The following C10orf71 variants were observed in gnomAD, a reference collection of about 807,000 sequenced individuals.
C10orf71 encodes chromosome 10 open reading frame 71.
For synonymous variants in C10orf71, 758 were observed against 726.3 expected, an observed-to-expected ratio of 1.04 and a Z score of -0.70; for missense variants, 1,869 against 1,804.5, an observed-to-expected ratio of 1.04 and a Z score of -0.65.
chr10:49,323,916 G>A lies in C10orf71; in HGVS notation c.1371G>A (p.Leu457=). ...CCATCATACCCAGCAAGCACGCCCTGGATTCAGCAGACAGCCAGCCAGCAG... is the reference window on the plus strand; with the variant it reads ...CCATCATACCCAGCAAGCACGCCCTAGATTCAGCAGACAGCCAGCCAGCAG... ...LTPIIPSKHA[L]DSADSQPAER... The change falls in exon 3 of 3, where the codon CTG becomes CTA. Residue 457 remains leucine (L), a synonymous_variant. Coordinates refer to ENST00000374144, the MANE Select transcript of C10orf71 (RefSeq NM_001135196.2). 1.2e-6 allele frequency: 2 copies of A among 1,613,584 alleles called. No individual in the cohort carries two copies. The highest frequency in any genetic ancestry group is 1.7e-6 in the Non-Finnish European group (2 of 1,179,818).
chr10:49,319,731 T>C (rs11816604), intron 2 of C10orf71, among the ~76,000 whole-genome samples: 15,194 of 117,446 alleles, frequency 0.13, 1,435 homozygotes, highest in East Asian at 0.3. Flanking sequence ...TATATATATA[T>C]ATACACATAC....
chr10:49,303,562 G>C (rs4012231), intron 1 of C10orf71, among the ~76,000 whole-genome samples: 147,023 of 152,316 alleles, frequency 0.97, 71,188 homozygotes, highest in East Asian at 1. Context: ...AGCCAGCCCC[G>C]AGGGCATTCT....
At position 49,326,962 on chromosome 10, in the gene C10orf71, C is replaced by T. The variant is rs1564694854; in HGVS notation, c.*109C>T. ...ACACACACACACACACACACACACA[C>T]GATCATCAACACATACTTAGCCTTT... On this transcript the variant is annotated 3_prime_UTR_variant, in exon 3 of 3. Transcript: ENST00000374144. 5.7e-6 allele frequency: 9 copies of T among 1,581,972 alleles called. No individual in the cohort carries two copies. Among genetic ancestry groups the T allele is most frequent in the Admixed American group, 1.8e-5 (1 of 56,134 alleles).
At chr10:49,313,752 G>T (rs1848953663) in intron 1 of C10orf71, among the ~76,000 whole-genome samples, 1 of 152,220 alleles carries the variant, frequency 6.6e-6, no homozygotes, top group Non-Finnish European at 1.5e-5. Flanking sequence ...TCCCCAGGGA[G>T]AAAGCTGGCT....
intron 2 of C10orf71, among the ~76,000 whole-genome samples, chr10:49,316,659 C>T: frequency 6.6e-6 from 1 of 152,126 alleles, no homozygotes; most frequent in Non-Finnish European, 1.5e-5. Context: ...AGCTAAAGTT[C>T]CAGGCCAGGA....
intron 1 of C10orf71, among the ~76,000 whole-genome samples, chr10:49,304,910 G>A (rs1848787840): frequency 1.3e-5 from 2 of 152,254 alleles, no homozygotes; most frequent in Non-Finnish European, 2.9e-5. Flanking sequence ...TCCATAAGGG[G>A]TTTCCACAAG....
chr10:49,324,296 C>T lies in C10orf71; in HGVS notation c.1751C>T (p.Ser584Phe). ...KDPTADPSEPSADSYLTLSTA... is the reference protein window; with the variant it reads ...KDPTADPSEPFADSYLTLSTA... ...CCTACAGCTGACCCCAGTGAGCCCTCTGCAGACAGCTATCTAACTCTTAGC... is the reference window on the plus strand; with the variant it reads ...CCTACAGCTGACCCCAGTGAGCCCTTTGCAGACAGCTATCTAACTCTTAGC... The change falls in exon 3 of 3, where the codon TCT (serine) becomes TTT (phenylalanine). Residue 584 changes from serine to phenylalanine, a missense_variant. Ser to Phe is a radical substitution (Grantham distance 155). Transcript: ENST00000374144. 1 of 1,613,936 alleles carries T rather than the reference C, an allele frequency of 6.2e-7. No homozygotes were observed. Among genetic ancestry groups the T allele is most frequent in the South Asian group, 1.1e-5 (1 of 91,066 alleles).
intron 2 of C10orf71, among the ~76,000 whole-genome samples, chr10:49,318,819 G>A (rs1221493285): frequency 6.6e-6 from 1 of 152,228 alleles, no homozygotes; most frequent in African/African-American, 2.4e-5. Context: ...CAATCTCACA[G>A]CACAGATACA....
chr10:49,324,445 C>A lies in C10orf71; in HGVS notation c.1900C>A (p.Pro634Thr), dbSNP rs1466217737. 6.2e-7 allele frequency: 1 copy of A among 1,608,238 alleles called. No individual in the cohort carries two copies. ...GGGTCCTGCCGGATCCAGCTGGTGT[C>A]CAGACTCCAGGGAACACCGCCCCAG... ...EMGPAGSSWC[P>T]DSREHRPRKH... Residue 634 changes from proline (P) to threonine (T), a missense_variant, in exon 3 of 3, where the codon CCA (proline) becomes ACA (threonine). Physicochemically the swap from Pro to Thr is conservative, Grantham distance 38 (BLOSUM62 -1). Transcript: ENST00000374144.
At chr10:49,314,026 A>G (rs1207874165) in intron 1 of C10orf71, among the ~76,000 whole-genome samples, 6 of 152,158 alleles carry the variant, frequency 3.9e-5, no homozygotes, top group Admixed American at 6.5e-5. Context: ...AAGAGACTAA[A>G]CATCCAGACA....
chr10:49,308,963 C>A (rs1267231951), intron 1 of C10orf71, among the ~76,000 whole-genome samples: 1 of 152,210 alleles, frequency 6.6e-6, no homozygotes. Context: ...GCTCAGCACT[C>A]CCAGGCCTTA....
chr10:49,317,355 CT>C (rs1380753890), intron 2 of C10orf71, among the ~76,000 whole-genome samples: 1 of 152,200 alleles, frequency 6.6e-6, no homozygotes, highest in Non-Finnish European at 1.5e-5. Context: ...GCAGATTGGC[CT>C]TCAGTGGCCA....
At position 49,325,688 on chromosome 10, in the gene C10orf71, T is replaced by A; in HGVS notation, c.3143T>A (p.Leu1048Gln). The change falls in exon 3 of 3, where the codon CTG (leucine) becomes CAG (glutamine). Residue 1048 changes from leucine to glutamine, a missense_variant. Transcript: ENST00000374144. ...TPRAGPPGRR[L>Q]VPSERANSPN... ...AGAGCAGGGCCCCCTGGCAGAAGAC[T>A]GGTCCCCAGTGAGAGGGCGAATTCC... The A allele has an allele frequency of 6.4e-7, 1 of 1,551,938 alleles. No homozygotes were observed. Among genetic ancestry groups the A allele is most frequent in the Non-Finnish European group, 8.7e-7 (1 of 1,147,032 alleles).
At chr10:49,317,952 G>A (rs1849027274) in intron 2 of C10orf71, among the ~76,000 whole-genome samples, 1 of 152,198 alleles carries the variant, frequency 6.6e-6, no homozygotes, top group Non-Finnish European at 1.5e-5. Context: ...GAAGACGGGT[G>A]TCCTCAAGCC....
At position 49,325,404 on chromosome 10, in the gene C10orf71, C is replaced by A. The variant is rs373216967; in HGVS notation, c.2859C>A (p.Ala953=). 3.1e-4 allele frequency: 485 copies of A among 1,550,474 alleles called. No individual in the cohort carries two copies. The African/African-American group carries it at 5.6e-3, about 18-fold the overall frequency. The change falls in exon 3 of 3, where the codon GCC becomes GCA. Residue 953 remains alanine (A), a synonymous_variant. Transcript: ENST00000374144. ...CCAGGATGGAGGCCTCTCAGCCAGC[C>A]CCAAAGGGGAATTTCCCATCTATGC... The part of the protein sequence containing the change: ...SMARMEASQP[A]PKGNFPSMPL...
Position 49,324,889 on chromosome 10 carries a change from T to C in C10orf71, c.2344T>C (p.Cys782Arg). 6.4e-7 allele frequency: 1 copy of C among 1,551,634 alleles called. No homozygotes were observed. Among genetic ancestry groups the C allele is most frequent in the Non-Finnish European group, 8.7e-7 (1 of 1,146,868 alleles). Reference sequence around the variant, plus strand: ...GATGCGGAAGGATGAGCTGCAGTACTGTGCCTTAAGCAATGGGCACGCATG... The same window carrying C: ...GATGCGGAAGGATGAGCTGCAGTACCGTGCCTTAAGCAATGGGCACGCATG... Reference protein sequence around the residue: ...NVMRKDELQYCALSNGHACLE... With the variant: ...NVMRKDELQYRALSNGHACLE... The change falls in exon 3 of 3, where the codon TGT (cysteine) becomes CGT (arginine). Residue 782 changes from cysteine to arginine, a missense_variant. Coordinates refer to ENST00000374144, the MANE Select transcript of C10orf71 (RefSeq NM_001135196.2).
intron 1 of C10orf71, among the ~76,000 whole-genome samples, chr10:49,300,738 G>A (rs565917097): frequency 2.0e-5 from 3 of 152,280 alleles, no homozygotes; most frequent in South Asian, 2.1e-4. Context: ...AGCCTTCCCC[G>A]GGTGACCCAA....
intron 1 of C10orf71, among the ~76,000 whole-genome samples, chr10:49,302,656 T>C (rs545084701): frequency 6.6e-6 from 1 of 152,322 alleles, no homozygotes; most frequent in East Asian, 1.9e-4. Flanking sequence ...CCATGTCTTG[T>C]ACTCACTGCC....
In C10orf71 at chr10:49,322,558, A is replaced by C; in HGVS notation, c.13A>C (p.Asn5His). The C allele has an allele frequency of 1.2e-6, 2 of 1,607,596 alleles. No individual in the cohort carries two copies. The highest frequency in any genetic ancestry group is 1.7e-6 in the Non-Finnish European group (2 of 1,176,088). The change falls in exon 3 of 3, where the codon AAT (asparagine) becomes CAT (histidine). Residue 5 changes from asparagine to histidine, a missense_variant. Asn to His is a moderately conservative substitution (Grantham distance 68). Transcript: ENST00000374144. The part of the protein sequence containing the change: MMQG[N>H]KKCTDAFSDS... ...TTGGAGCCAACAGATGATGCAAGGAAATAAGAAGTGCACAGACGCGTTCAG... is the reference window on the plus strand; with the variant it reads ...TTGGAGCCAACAGATGATGCAAGGACATAAGAAGTGCACAGACGCGTTCAG...
Sources: allele counts gnomAD v4.1 joint callset (sites outside exome capture counted in the v4.1 genomes callset), GRCh38; gene constraint gnomAD v4.1.1; transcripts MANE v1.5; gene names NCBI Gene and HGNC (gene_info 2026-07-23, HGNC 2026-07-21).